The following LY86 variants were observed in gnomAD, a reference collection of about 807,000 sequenced individuals.
LY86 encodes MD-1, RP105-associated.
In LY86, 20 loss-of-function variants were observed where a neutral mutation model predicts 17.3. The ratio of observed to expected loss-of-function variants is 1.15; its 90% CI spans 0.81 to 1.68. The LOEUF is 1.68. Ranked by LOEUF, LY86 falls within the 40% of genes most tolerant of loss-of-function variation. The pLI is 0.00. For synonymous variants in LY86, 74 were observed against 70.6 expected (o/e 1.05, Z -0.24); for missense variants, 200 against 191.9 (o/e 1.04, Z -0.25).
At chr6:6,596,606 C>G (rs1445866170) in intron 1 of LY86, among the ~76,000 whole-genome samples, 1 of 152,196 alleles carries the variant, frequency 6.6e-6, no homozygotes, top group Non-Finnish European at 1.5e-5. Flanking sequence ...GAACAGCTAG[C>G]TGCCTTGAGT....
intron 1 of LY86, among the ~76,000 whole-genome samples, chr6:6,619,570 G>T (rs1761627989): frequency 1.3e-5 from 2 of 152,234 alleles, no homozygotes; most frequent in South Asian, 2.1e-4. Flanking sequence ...GGCTGGTAAG[G>T]TCTCCTGGGC....
chr6:6,612,404 C>T (rs962645623), intron 1 of LY86, among the ~76,000 whole-genome samples: 7 of 152,210 alleles, frequency 4.6e-5, no homozygotes, highest in East Asian at 1.9e-4. Context: ...CAGTGGGTAC[C>T]TAGTCTCACT....
chr6:6,654,204 G>A (rs1375984718), intron 4 of LY86, among the ~76,000 whole-genome samples: 1 of 152,104 alleles, frequency 6.6e-6, no homozygotes, highest in Admixed American at 6.5e-5. Flanking sequence ...TTGCCTAAAT[G>A]TCGTCGTCTC....
intron 1 of LY86, among the ~76,000 whole-genome samples, chr6:6,603,591 C>CA (rs779324556): frequency 1.3e-4 from 3 of 23,436 alleles, no homozygotes; most frequent in East Asian, 1.7e-3. Flanking sequence ...AAGCCAAAAA[C>CA]AAAAACAGAA....
At chr6:6,589,201 G>T (rs1171440565) in intron 1 of LY86, among the ~76,000 whole-genome samples, 2 of 152,212 alleles carry the variant, frequency 1.3e-5, no homozygotes, top group Non-Finnish European at 2.9e-5. Context: ...CTCACCAGCT[G>T]AAAATTAGGA....
At chr6:6,649,827 A>T in intron 4 of LY86, 150 bp downstream of exon 4, 3 of 623,400 alleles carry the variant, frequency 4.8e-6, no homozygotes, top group Non-Finnish European at 5.6e-6. Flanking sequence ...CCCTGCAAAA[A>T]CCCTTTCTTA....
chr6:6,600,013 CT>C (rs1317791250), intron 1 of LY86, among the ~76,000 whole-genome samples: 1 of 152,218 alleles, frequency 6.6e-6, no homozygotes, highest in Non-Finnish European at 1.5e-5. Context: ...CAGCCCTCCT[CT>C]TAGGGCAATT....
At chr6:6,624,289 G>A (rs1761739202) in intron 1 of LY86, among the ~76,000 whole-genome samples, 3 of 146,850 alleles carry the variant, frequency 2.0e-5, no homozygotes, top group Non-Finnish European at 1.5e-5. Flanking sequence ...GTTGTATGCA[G>A]AAAATATTAT....
chr6:6,592,699 G>A (rs1760566390), intron 1 of LY86, among the ~76,000 whole-genome samples: 1 of 151,828 alleles, frequency 6.6e-6, no homozygotes, highest in Non-Finnish European at 1.5e-5. Context: ...AGAGGCCAGA[G>A]ATCTCTTTTC....
At chr6:6,654,403 A>C in intron 4 of LY86, 141 bp from the exon 5 acceptor site, 1 of 645,686 alleles carries the variant, frequency 1.5e-6, no homozygotes, top group Non-Finnish European at 2.8e-6. Context: ...TCCACAGGGC[A>C]GGGGTTGGCT....
chr6:6,612,595 T>C (rs745819181), intron 1 of LY86, among the ~76,000 whole-genome samples: 1 of 146,446 alleles, frequency 6.8e-6, no homozygotes, highest in Non-Finnish European at 1.5e-5. Context: ...CTTTATTCTC[T>C]TATCTGGCCC....
intron 1 of LY86, among the ~76,000 whole-genome samples, chr6:6,597,667 T>C (rs1760757356): frequency 6.6e-6 from 1 of 152,220 alleles, no homozygotes; most frequent in Admixed American, 6.5e-5. Context: ...GTAGGTAGTG[T>C]GCACGTCAGC....
At chr6:6,590,678 T>C (rs1330919201) in intron 1 of LY86, among the ~76,000 whole-genome samples, 1 of 152,202 alleles carries the variant, frequency 6.6e-6, no homozygotes, top group African/African-American at 2.4e-5. Context: ...TTGTGATATC[T>C]GCCACTTTGG....
At chr6:6,616,568 C>T (rs569807030) in intron 1 of LY86, among the ~76,000 whole-genome samples, 1 of 152,336 alleles carries the variant, frequency 6.6e-6, no homozygotes, top group East Asian at 1.9e-4. Context: ...CCTCCTGGTA[C>T]GTTTGGTTCA....
At position 6,612,496 on chromosome 6, in the gene LY86, A is replaced by C. The variant is rs139720659; in HGVS notation, c.137-12430A>C. Reference sequence around the variant, plus strand: ...ATGCAGACCCAAAGTGTAAACAACAAAAACACTTACTGCAAAAAGCAAAAG... The same window carrying C: ...ATGCAGACCCAAAGTGTAAACAACACAAACACTTACTGCAAAAAGCAAAAG... On this transcript the variant is annotated intron_variant, in intron 1 of 4. Coordinates refer to ENST00000230568, the MANE Select transcript of LY86 (RefSeq NM_004271.4). Among the ~76,000 whole-genome samples, 23 of 149,074 alleles carry C rather than the reference A, an allele frequency of 1.5e-4. No homozygotes were observed. The East Asian group carries it at 4.7e-3, about 30-fold the overall frequency.
At chr6:6,612,113 T>C (rs1761364964) in intron 1 of LY86, among the ~76,000 whole-genome samples, 2 of 152,316 alleles carry the variant, frequency 1.3e-5, no homozygotes, top group South Asian at 4.1e-4. Context: ...GCTGATTATT[T>C]CCAAAAATCA....
intron 1 of LY86, among the ~76,000 whole-genome samples, chr6:6,605,346 A>T (rs1162129512): frequency 6.6e-6 from 1 of 152,188 alleles, no homozygotes; most frequent in Non-Finnish European, 1.5e-5. Flanking sequence ...AAAGGTGATG[A>T]AGTAGTCAAT....
intron 1 of LY86, among the ~76,000 whole-genome samples, chr6:6,600,364 C>T (rs1760860422): frequency 1.3e-5 from 2 of 151,922 alleles, no homozygotes; most frequent in Non-Finnish European, 2.9e-5. Context: ...CCGAGGCAGG[C>T]AGATCACCTT....
chr6:6,647,923 T>C (rs945867703), intron 3 of LY86, among the ~76,000 whole-genome samples: 2 of 151,820 alleles, frequency 1.3e-5, no homozygotes, highest in African/African-American at 4.8e-5. Context: ...CTTCCAAGGA[T>C]TCTTATTAAC....
Sources: gnomAD v4.1 joint callset for allele counts (sites outside exome capture counted in the v4.1 genomes callset) on GRCh38, gnomAD v4.1.1 for gene constraint, MANE v1.5 for transcripts, NCBI Gene and HGNC (gene_info 2026-07-23, HGNC 2026-07-21) for gene names.